VRK1: variants seen among roughly 807,000 people sequenced by gnomAD.
VRK1 encodes VRK serine/threonine kinase 1, also known as serine/threonine-protein kinase VRK1.
A neutral mutation model predicts 57.1 loss-of-function variants in VRK1; 33 were observed. That is an observed-to-expected ratio of 0.58 (90% CI 0.44 to 0.77). The LOEUF is 0.77. Among genes scored for constraint, VRK1 ranks in the 30% least tolerant of loss-of-function variants. The pLI is 0.00. For synonymous variants in VRK1, 137 were observed against 147.8 expected (o/e 0.93, Z 0.53); for missense variants, 413 against 477.3 (o/e 0.87, Z 1.25).
intron 7 of VRK1, among the ~76,000 whole-genome samples, chr14:96,854,278 T>C (rs74883173): frequency 0.083 from 12,679 of 152,190 alleles, 696 homozygotes; most frequent in Non-Finnish European, 0.13. Context: ...ACTTGTACAG[T>C]ATAATAAAAT....
rs538124686 is a variant in VRK1, at chr14:96,827,259, A to C, written c.-5-6208A>C. Among the ~76,000 whole-genome samples, 10 of 151,910 alleles carry C rather than the reference A, an allele frequency of 6.6e-5. No individual in the cohort carries two copies. In the South Asian group the frequency reaches 2.1e-3, roughly 32 times the overall value. ...TCACCCCTTTTTGCTCTATTTATAT[A>C]CTCGAGCCAGACCTTTTAAATATTT... is the stretch of plus-strand genomic sequence containing the variant. On this transcript the variant is annotated intron_variant, in intron 1 of 12. Coordinates refer to ENST00000216639, the MANE Select transcript of VRK1 (RefSeq NM_003384.3).
chr14:96,853,277 G>A (rs1016343422), intron 7 of VRK1, 111 bp downstream of exon 7: 26 of 873,904 alleles, frequency 3.0e-5, no homozygotes, highest in Non-Finnish European at 4.8e-5. Context: ...AAGTAGATAT[G>A]GTAATAATAT....
At chr14:96,846,011 T>C (rs1887670423) in intron 3 of VRK1, 84 bp from the exon 4 acceptor site, 3 of 1,213,626 alleles carry the variant, frequency 2.5e-6, no homozygotes, top group African/African-American at 1.5e-5. Flanking sequence ...GAAAAATAGA[T>C]TTGTTGGTCT....
intron 1 of VRK1, among the ~76,000 whole-genome samples, chr14:96,798,322 G>A (rs989871843): frequency 6.6e-5 from 10 of 152,280 alleles, no homozygotes; most frequent in African/African-American, 2.4e-4. Flanking sequence ...AAAACTCTTA[G>A]GTGGTAGAAT....
intron 12 of VRK1, among the ~76,000 whole-genome samples, chr14:96,879,464 T>G (rs950556690): frequency 2.6e-5 from 4 of 152,172 alleles, no homozygotes; most frequent in African/African-American, 9.7e-5. Context: ...TAATGCTATT[T>G]GAATGTAACT....
chr14:96,869,038 C>T (rs139541179), intron 11 of VRK1, among the ~76,000 whole-genome samples: 2 of 152,226 alleles, frequency 1.3e-5, no homozygotes, highest in Non-Finnish European at 2.9e-5. Flanking sequence ...GATTATCTGC[C>T]CGCCTCAGCC....
At chr14:96,799,464 A>G (rs912540144) in intron 1 of VRK1, among the ~76,000 whole-genome samples, 2 of 152,204 alleles carry the variant, frequency 1.3e-5, no homozygotes, top group African/African-American at 4.8e-5. Flanking sequence ...CCCTAATAAG[A>G]TATAATGTAC....
intron 1 of VRK1, among the ~76,000 whole-genome samples, chr14:96,819,878 C>T (rs1014040014): frequency 3.3e-5 from 5 of 152,132 alleles, no homozygotes; most frequent in African/African-American, 1.2e-4. Context: ...TGCAGTCGGG[C>T]GTTACCCTGG....
chr14:96,803,920 A>G (rs1885767743), intron 1 of VRK1, among the ~76,000 whole-genome samples: 1 of 152,216 alleles, frequency 6.6e-6, no homozygotes, highest in South Asian at 2.1e-4. Flanking sequence ...TGTTGTGTAT[A>G]CAAAATCCTT....
chr14:96,874,952 G>A (rs28404652), intron 11 of VRK1, among the ~76,000 whole-genome samples: 86 of 152,260 alleles, frequency 5.6e-4, no homozygotes, highest in African/African-American at 1.9e-3. Context: ...TTAACTTATT[G>A]TTAATTGTTA....
chr14:96,848,423 A>C (rs1185779730), intron 5 of VRK1, among the ~76,000 whole-genome samples: 2 of 152,156 alleles, frequency 1.3e-5, no homozygotes, highest in Non-Finnish European at 2.9e-5. Flanking sequence ...TCCATGTGGA[A>C]AAGGATGGAA....
chr14:96,876,274 A>G (rs1889028631), intron 12 of VRK1, among the ~76,000 whole-genome samples, 154 bp downstream of exon 12: 1 of 152,200 alleles, frequency 6.6e-6, no homozygotes, highest in South Asian at 2.1e-4. Context: ...TGTCTTTTGT[A>G]CACAGGTTAG....
chr14:96,845,836 T>C (rs908337380), intron 3 of VRK1, among the ~76,000 whole-genome samples: 7 of 152,218 alleles, frequency 4.6e-5, no homozygotes, highest in Non-Finnish European at 1.0e-4. Flanking sequence ...TTTCTTAAAC[T>C]TCTGCAGGCT....
At chr14:96,880,858 A>G (rs1889232547) in intron 12 of VRK1, among the ~76,000 whole-genome samples, 1 of 152,186 alleles carries the variant, frequency 6.6e-6, no homozygotes, top group Non-Finnish European at 1.5e-5. Context: ...AAATTTTACA[A>G]CAAATTTAAA....
At chr14:96,876,789 A>AC (rs1329671373) in intron 12 of VRK1, among the ~76,000 whole-genome samples, 5 of 150,794 alleles carry the variant, frequency 3.3e-5, no homozygotes, top group Admixed American at 2.0e-4. Context: ...AAAAAAAAAA[A>AC]AACACAAAAA....
chr14:96,799,505 A>G (rs975503543), intron 1 of VRK1, among the ~76,000 whole-genome samples: 5 of 152,270 alleles, frequency 3.3e-5, no homozygotes, highest in Non-Finnish European at 7.3e-5. Flanking sequence ...GAAAAATAAA[A>G]CTTTAAAAAT....
chr14:96,859,139 G>A (rs1418940679), intron 10 of VRK1: 1 of 152,116 alleles, frequency 6.6e-6, no homozygotes, highest in African/African-American at 2.4e-5. Context: ...AGTATTTAAT[G>A]CTATTTTAGG....
chr14:96,858,437 A>G (rs1004740183), intron 10 of VRK1, among the ~76,000 whole-genome samples: 3 of 152,098 alleles, frequency 2.0e-5, no homozygotes, highest in Non-Finnish European at 2.9e-5. Context: ...TGTCATTTCT[A>G]TATGATATTC....
intron 10 of VRK1, among the ~76,000 whole-genome samples, chr14:96,858,095 G>A (rs1888238984): frequency 6.6e-6 from 1 of 151,634 alleles, no homozygotes; most frequent in Non-Finnish European, 1.5e-5. Context: ...TTTGAGACAG[G>A]GTCTCACTCT....
Sources: allele counts gnomAD v4.1 joint callset (sites outside exome capture counted in the v4.1 genomes callset), GRCh38; gene constraint gnomAD v4.1.1; transcripts MANE v1.5; gene names NCBI Gene and HGNC (gene_info 2026-07-23, HGNC 2026-07-21).